Variants in FAM25G observed in about 807,000 individuals in gnomAD.
FAM25G encodes protein FAM25G.
In FAM25G, 3 loss-of-function variants were observed where a neutral mutation model predicts 6.4. The ratio of observed to expected loss-of-function variants is 0.47; its 90% confidence interval spans 0.21 to 1.21. The LOEUF (loss-of-function observed/expected upper bound fraction) is 1.21, where lower values mean the gene tolerates loss of function less well. Among genes scored for constraint, FAM25G ranks in the 50% most tolerant of loss-of-function variants. The pLI, the probability that FAM25G is intolerant of heterozygous loss-of-function variation, is 0.22. For synonymous variants in FAM25G, 15 were observed against 31.3 expected, an observed-to-expected ratio of 0.48 and a Z score of 1.74; for missense variants, 34 against 76.0, an observed-to-expected ratio of 0.45 and a Z score of 2.06.
chr10:47,491,694 G>T lies in FAM25G; in HGVS notation c.-20C>A. The T allele has an allele frequency of 6.5e-7, 1 of 1,539,990 alleles. No individual in the cohort carries two copies. Among genetic ancestry groups the T allele is most frequent in the Non-Finnish European group, 8.8e-7 (1 of 1,139,596 alleles). On this transcript the variant is annotated 5_prime_UTR_variant, in exon 1 of 3. Transcript: ENST00000452267. ...CAGCATCGTGTGGCAGCAGACAGTG[G>T]CGAACTAGGATGCTGAGGACTGGCC...
At chr10:47,490,665 G>A (rs1380040634) in intron 1 of FAM25G, among the ~76,000 whole-genome samples, 12 of 146,286 alleles carry the variant, frequency 8.2e-5, no homozygotes, top group African/African-American at 2.8e-4. Flanking sequence ...CTCCCAACAG[G>A]AATCATAAAA....
At chr10:47,490,630 G>C (rs1263952425) in intron 1 of FAM25G, among the ~76,000 whole-genome samples, 2 of 143,524 alleles carry the variant, frequency 1.4e-5, no homozygotes, top group Admixed American at 6.9e-5. Context: ...CCCTGCCTCA[G>C]CTTTTCTCCC....
chr10:47,487,409 C>T lies in FAM25G; in HGVS notation c.137-1G>A. On this transcript the variant is annotated splice_acceptor_variant, in intron 2 of 2. Coordinates refer to ENST00000452267, the MANE Select transcript of FAM25G (RefSeq NM_001137549.2). LOFTEE classifies it high-confidence loss of function. ...GCTTTCTTTATGGCTTCAGCAATGG[C>T]TGTTGGAAAGAGGAAGAATGTCCTA... is the stretch of plus-strand genomic sequence containing the variant. The T allele has an allele frequency of 9.0e-7, 1 of 1,106,372 alleles. No individual in the cohort carries two copies. The highest frequency in any genetic ancestry group is 1.3e-6 in the Non-Finnish European group (1 of 798,594). 68.5% of individuals were successfully genotyped at this position (1,106,372 alleles called of 1,614,324 possible). A position where few individuals can be genotyped will look rare whatever the true frequency, so the allele number is the denominator to read the frequency against.
intron 1 of FAM25G, 99 bp downstream of exon 1, chr10:47,491,503 C>T (rs1481871768): frequency 1.7e-5 from 13 of 764,330 alleles, no homozygotes; most frequent in Non-Finnish European, 2.2e-5. Context: ...GCCAAGGCCT[C>T]CCCGCAGGTC....
In FAM25G at chr10:47,488,042, C is replaced by T. The variant is rs1373873202; in HGVS notation, c.137-634G>A. Among the ~76,000 whole-genome samples the T allele has an allele frequency of 1.8e-3, 255 of 140,906 alleles. 26 individuals carry two copies. The East Asian group carries it at 0.053, about 29-fold the overall frequency. 92.4% of individuals were successfully genotyped at this position (140,906 alleles called of 152,430 possible). On this transcript the variant is annotated intron_variant, in intron 2 of 2. Coordinates refer to ENST00000452267, the MANE Select transcript of FAM25G (RefSeq NM_001137549.2). ...ATTAGCACCCACATAAAAGAGACCA[C>T]GGAGAGCTAGCTCCTTCCACCATGT...
At chr10:47,488,863 G>T (rs1840094422) in intron 2 of FAM25G, among the ~76,000 whole-genome samples, 1 of 146,250 alleles carries the variant, frequency 6.8e-6, no homozygotes. Flanking sequence ...GAGTAGCTAG[G>T]ACTACAGGTG....
intron 2 of FAM25G, 101 bp from the exon 3 acceptor site, chr10:47,487,509 A>T (rs2132449048): frequency 1.9e-6 from 1 of 518,422 alleles, no homozygotes; most frequent in Non-Finnish European, 3.3e-6. Flanking sequence ...TAGTCTCTGG[A>T]GTGGCCCGAT....
At chr10:47,487,891 G>A (rs1184121778) in intron 2 of FAM25G, among the ~76,000 whole-genome samples, 1 of 150,532 alleles carries the variant, frequency 6.6e-6, no homozygotes, top group Admixed American at 6.6e-5. Flanking sequence ...TCCAAGATTA[G>A]GCCAAAGTCT....
In FAM25G at chr10:47,487,246, C is replaced by CT; in HGVS notation, c.*28dup. 1 of 1,246,258 alleles carries CT rather than the reference C, an allele frequency of 8.0e-7. No individual in the cohort carries two copies. Among genetic ancestry groups the CT allele is most frequent in the South Asian group, 1.4e-5 (1 of 69,632 alleles). 77.2% of individuals were successfully genotyped at this position (1,246,258 alleles called of 1,614,324 possible). The stretch of plus-strand genomic sequence containing the variant: ...CACATGTCATGGCTTTTTATTGAGA[C>CT]TGGGGAAGGGCCGTGGTAGCAGGTG... On this transcript the variant is annotated 3_prime_UTR_variant, in exon 3 of 3. Transcript: ENST00000452267.
chr10:47,489,383 A>G (rs1397942612), intron 2 of FAM25G, among the ~76,000 whole-genome samples: 5 of 150,880 alleles, frequency 3.3e-5, no homozygotes, highest in Non-Finnish European at 7.4e-5. Flanking sequence ...CTTATTCCAC[A>G]GAGAGAACCA....
intron 2 of FAM25G, among the ~76,000 whole-genome samples, chr10:47,487,859 T>C (rs1840074426): frequency 6.7e-6 from 1 of 150,022 alleles, no homozygotes. Flanking sequence ...TTTTTTGTCA[T>C]AGTTCTAAAG....
At chr10:47,490,091 C>T (rs1840123468) in intron 1 of FAM25G, among the ~76,000 whole-genome samples, 1 of 150,564 alleles carries the variant, frequency 6.6e-6, no homozygotes, top group African/African-American at 2.5e-5. Context: ...CCAGGTCACA[C>T]CCCTCTCAGG....
At chr10:47,490,025 G>T (rs1840121071) in intron 1 of FAM25G, among the ~76,000 whole-genome samples, 1 of 150,086 alleles carries the variant, frequency 6.7e-6, no homozygotes, top group Admixed American at 6.6e-5. Flanking sequence ...GCCTGGAATG[G>T]CAATGAGCAG....
chr10:47,488,801 C>G (rs1840092721), intron 2 of FAM25G, among the ~76,000 whole-genome samples: 2 of 134,130 alleles, frequency 1.5e-5, no homozygotes, highest in South Asian at 2.6e-4. Context: ...GATCTCGGCT[C>G]ACTGCAAGCT....
intron 2 of FAM25G, among the ~76,000 whole-genome samples, chr10:47,488,729 T>C (rs1588938623): frequency 8.1e-6 from 1 of 123,306 alleles, no homozygotes; most frequent in African/African-American, 3.3e-5. Flanking sequence ...TTTTTTTTTT[T>C]TTTTTTTTTT....
chr10:47,488,470 C>T (rs1223100600), intron 2 of FAM25G, among the ~76,000 whole-genome samples: 6 of 149,908 alleles, frequency 4.0e-5, no homozygotes, highest in Non-Finnish European at 5.9e-5. Context: ...CTTGGCTTCC[C>T]GAAGGGCTAG....
intron 2 of FAM25G, among the ~76,000 whole-genome samples, chr10:47,489,071 G>A (rs1399812151): frequency 1.3e-5 from 2 of 148,404 alleles, no homozygotes; most frequent in South Asian, 2.1e-4. Context: ...AGGCTGGAGT[G>A]CAGTGGCATG....
At chr10:47,487,959 C>T (rs1840076292) in intron 2 of FAM25G, among the ~76,000 whole-genome samples, 1 of 150,574 alleles carries the variant, frequency 6.6e-6, no homozygotes. Context: ...AACTCATATG[C>T]TGAAATCCTC....
chr10:47,489,168 C>A (rs1394855299), intron 2 of FAM25G, among the ~76,000 whole-genome samples: 12 of 147,626 alleles, frequency 8.1e-5, no homozygotes, highest in African/African-American at 3.0e-4. Context: ...TAGGCACCCA[C>A]CACCATGCCC....
Sources: gnomAD v4.1 joint callset for allele counts (sites outside exome capture counted in the v4.1 genomes callset) on GRCh38, gnomAD v4.1.1 for gene constraint, MANE v1.5 for transcripts, NCBI Gene and HGNC (gene_info 2026-07-23, HGNC 2026-07-21) for gene names.